The following RAD51B variants were observed in gnomAD, a reference collection of about 807,000 sequenced individuals.
RAD51B encodes the protein DNA repair protein RAD51 homolog 2.
In RAD51B, 38 loss-of-function variants were observed where a neutral mutation model predicts 42.2. The observed-to-expected ratio is 0.90, with a 90% CI of 0.70 to 1.18. RAD51B has a LOEUF of 1.18. Among genes scored for constraint, RAD51B ranks in the 50% most tolerant of loss-of-function variants. The probability of loss-of-function intolerance (pLI) is 0.00; values close to 1 mark genes in which losing one functional copy is unlikely to be tolerated. For missense variants in RAD51B, 373 were observed against 400.7 expected (o/e 0.93, Z 0.59); for synonymous variants, 154 against 145.2 (o/e 1.06, Z -0.43).
chr14:68,245,634 C>T (rs945718802), intron 7 of RAD51B, among the ~76,000 whole-genome samples: 1 of 152,176 alleles, frequency 6.6e-6, no homozygotes, highest in Non-Finnish European at 1.5e-5. Flanking sequence ...ATCTCCAAGG[C>T]GATTTATGAC....
At chr14:68,670,477 A>C (rs767274376) in intron 11 of RAD51B, among the ~76,000 whole-genome samples, 1 of 152,170 alleles carries the variant, frequency 6.6e-6, no homozygotes, top group Non-Finnish European at 1.5e-5. Flanking sequence ...ATCCAAGGAG[A>C]GGGCACTAGG....
rs2074492418 is a variant in RAD51B, at chr14:67,953,543, A to G, written c.756+66339A>G. Among the ~76,000 whole-genome samples the G allele has an allele frequency of 1.3e-5, 2 of 152,144 alleles. 1 individual carries two copies. Among genetic ancestry groups the G allele is most frequent in the South Asian group, 4.1e-4 (2 of 4,826 alleles). On this transcript the variant is annotated intron_variant, in intron 7 of 10. Transcript: ENST00000471583. Reference sequence around the variant, plus strand: ...TAGGAGCTAGTAGCTGTGCTTTAGAATGATTAATGGGAAGGATATAGTGGA... The same window carrying G: ...TAGGAGCTAGTAGCTGTGCTTTAGAGTGATTAATGGGAAGGATATAGTGGA...
chr14:68,086,290 G>A (rs557653665), intron 7 of RAD51B, among the ~76,000 whole-genome samples: 3 of 152,246 alleles, frequency 2.0e-5, no homozygotes, highest in African/African-American at 7.2e-5. Context: ...CTATTAGTGC[G>A]TTCCTCTCGC....
At chr14:68,388,043 T>C (rs1336238757) in intron 8 of RAD51B, among the ~76,000 whole-genome samples, 2 of 150,272 alleles carry the variant, frequency 1.3e-5, no homozygotes, top group Admixed American at 1.3e-4. Flanking sequence ...AACTTACATA[T>C]GTGACTTGCA....
chr14:67,986,590 A>C (rs1265858892), intron 7 of RAD51B, among the ~76,000 whole-genome samples: 1 of 152,230 alleles, frequency 6.6e-6, no homozygotes, highest in East Asian at 1.9e-4. Context: ...TTAGCACGAA[A>C]GATCTTTGTC....
intron 7 of RAD51B, among the ~76,000 whole-genome samples, chr14:68,278,870 C>T (rs3784097): frequency 6.6e-6 from 1 of 152,178 alleles, no homozygotes; most frequent in Non-Finnish European, 1.5e-5. Context: ...TGTGCTTGCT[C>T]TCCTGGTGAG....
At chr14:68,618,818 G>A (rs1226343171) in intron 10 of RAD51B, among the ~76,000 whole-genome samples, 3 of 152,130 alleles carry the variant, frequency 2.0e-5, no homozygotes, top group African/African-American at 4.8e-5. Flanking sequence ...CAGACCTGAG[G>A]AAAGAAGTGC....
intron 10 of RAD51B, among the ~76,000 whole-genome samples, chr14:68,518,564 C>CA (rs140465175): frequency 8.8e-5 from 12 of 136,912 alleles, no homozygotes; most frequent in African/African-American, 2.5e-4. Context: ...GCCCCCCCCC[C>CA]AGGCCTCCCC....
At chr14:68,088,460 C>A (rs568383132) in intron 7 of RAD51B, among the ~76,000 whole-genome samples, 1 of 152,024 alleles carries the variant, frequency 6.6e-6, no homozygotes, top group East Asian at 1.9e-4. Flanking sequence ...AATAACTCCT[C>A]ATTTTTTTCT....
chr14:68,097,617 G>A (rs2077217814), intron 7 of RAD51B, among the ~76,000 whole-genome samples: 1 of 152,098 alleles, frequency 6.6e-6, no homozygotes, highest in African/African-American at 2.4e-5. Flanking sequence ...CTTTGCCTAA[G>A]GAGACACTAA....
Position 68,371,053 on chromosome 14 carries a change from AAAG to A in RAD51B, c.854-40368_854-40366del, listed in dbSNP as rs1253983671. On this transcript the variant is annotated intron_variant, in intron 8 of 10. Transcript: ENST00000471583. ...CTCTGTCTCAAAAAAAAAAAAAAAA[AAAG>A]AAAAAAAGAAAAGAAAATTAAAAAA... Among the ~76,000 whole-genome samples the A allele has an allele frequency of 2.5e-3, 219 of 88,052 alleles. 24 individuals carry two copies. Among genetic ancestry groups the A allele is most frequent in the Non-Finnish European group, 4.2e-3 (173 of 40,920 alleles). 57.8% of individuals were successfully genotyped at this position (88,052 alleles called of 152,430 possible). A position where few individuals can be genotyped will look rare whatever the true frequency, so the allele number is the denominator to read the frequency against.
At chr14:68,631,436 G>T (rs1464785554) in intron 10 of RAD51B, among the ~76,000 whole-genome samples, 1 of 152,290 alleles carries the variant, frequency 6.6e-6, no homozygotes, top group Non-Finnish European at 1.5e-5. Flanking sequence ...TTAGGGTATG[G>T]GAGGAGGGAG....
intron 10 of RAD51B, among the ~76,000 whole-genome samples, chr14:68,484,663 G>A (rs1401871145): frequency 6.6e-6 from 1 of 152,112 alleles, no homozygotes; most frequent in Non-Finnish European, 1.5e-5. Flanking sequence ...GGCCCAGTTG[G>A]GCTATTTTCA....
intron 7 of RAD51B, among the ~76,000 whole-genome samples, chr14:68,015,474 C>T (rs910120221): frequency 6.6e-6 from 1 of 152,152 alleles, no homozygotes; most frequent in Non-Finnish European, 1.5e-5. Flanking sequence ...ATTCACAGTT[C>T]CACATGGCTG....
intron 7 of RAD51B, among the ~76,000 whole-genome samples, chr14:68,193,296 A>G (rs952883729): frequency 6.6e-6 from 1 of 152,160 alleles, no homozygotes; most frequent in Non-Finnish European, 1.5e-5. Context: ...TTGGACTTAA[A>G]TGTTGCTCTT....
chr14:68,243,168 G>T (rs533320991), intron 7 of RAD51B, among the ~76,000 whole-genome samples: 8 of 152,216 alleles, frequency 5.3e-5, no homozygotes, highest in Admixed American at 6.5e-5. Flanking sequence ...AAAGGAAATC[G>T]ATACCCGTTG....
intron 10 of RAD51B, chr14:68,540,640 G>T: frequency 1.0e-6 from 1 of 985,374 alleles, no homozygotes; most frequent in South Asian, 4.7e-5. Flanking sequence ...CACCTGGGGA[G>T]ACCTGAAACA....
At chr14:68,051,710 C>T (rs995176128) in intron 7 of RAD51B, among the ~76,000 whole-genome samples, 2 of 151,824 alleles carry the variant, frequency 1.3e-5, no homozygotes, top group Non-Finnish European at 2.9e-5. Context: ...GCAATCCTTC[C>T]CCTTCAGCCT....
intron 7 of RAD51B, among the ~76,000 whole-genome samples, chr14:68,025,535 A>G (rs1245224471): frequency 1.9e-5 from 1 of 51,738 alleles, no homozygotes; most frequent in Non-Finnish European, 3.9e-5. Context: ...TATTATTATT[A>G]CTGATTTAAT....
Sources: allele counts gnomAD v4.1 joint callset (sites outside exome capture counted in the v4.1 genomes callset), GRCh38; gene constraint gnomAD v4.1.1; transcripts MANE v1.5; gene names NCBI Gene and HGNC (gene_info 2026-07-23, HGNC 2026-07-21).